TNFRSF11A: variants seen among roughly 807,000 people sequenced by gnomAD.
TNFRSF11A encodes the protein tumor necrosis factor receptor superfamily member 11A.
A neutral mutation model predicts 55.7 loss-of-function variants in TNFRSF11A; 32 were observed. The ratio of observed to expected loss-of-function variants is 0.57; its 90% confidence interval spans 0.43 to 0.77. The LOEUF is 0.77. TNFRSF11A is among the 30% of genes least tolerant of loss of function. The probability of loss-of-function intolerance (pLI) is 0.00; values close to 1 mark genes in which losing one functional copy is unlikely to be tolerated. For synonymous variants in TNFRSF11A, 311 were observed against 331.0 expected (o/e 0.94, Z 0.65); for missense variants, 753 against 809.8 (o/e 0.93, Z 0.85).
intron 9 of TNFRSF11A, 123 bp from the exon 10 acceptor site, chr18:62,384,628 C>T: frequency 1.7e-6 from 2 of 1,187,562 alleles, no homozygotes; most frequent in South Asian, 2.8e-5. Flanking sequence ...GTGTGGTTCC[C>T]TGTGGCCCCG....
chr18:62,366,849 CCCA>C, intron 8 of TNFRSF11A, 89 bp downstream of exon 8: 1 of 1,327,206 alleles, frequency 7.5e-7, no homozygotes, highest in East Asian at 2.3e-5. Flanking sequence ...AGCACCCCCC[CCCA>C]CCCCCACTTT....
In TNFRSF11A at chr18:62,325,599, G is replaced by A. The variant is rs2046061002; in HGVS notation, c.75+172G>A. Among the ~76,000 whole-genome samples, 1 of 152,064 alleles carries A rather than the reference G, an allele frequency of 6.6e-6. No homozygotes were observed. Among genetic ancestry groups the A allele is most frequent in the South Asian group, 2.1e-4 (1 of 4,830 alleles). ...GGCGCTTCCAGAGTTGGACGGCGGAGGGCGGGAAAGGGCAAGCGGAGGGAA... is the reference window on the plus strand; with the variant it reads ...GGCGCTTCCAGAGTTGGACGGCGGAAGGCGGGAAAGGGCAAGCGGAGGGAA... On this transcript the variant is annotated intron_variant, in intron 1 of 9. Transcript: ENST00000586569. The surrounding 1 kb of genome is among the most constrained non-coding windows in gnomAD (Gnocchi z 4.7).
In TNFRSF11A at chr18:62,387,019, G is replaced by T. The variant is rs1200591880; in HGVS notation, c.*1985G>T. 1 of 152,160 alleles carries T rather than the reference G, an allele frequency of 6.6e-6. No individual in the cohort carries two copies. The highest frequency in any genetic ancestry group is 1.5e-5 in the Non-Finnish European group (1 of 68,036). The allele number at this position is 152,160 out of a possible 1,614,324, so 9.4% of individuals were successfully genotyped here. ...GAAAACCCGAGTTTCTGCTGTGACT[G>T]TCATCTCACTGAGCACTTCGCTTTT... On this transcript the variant is annotated 3_prime_UTR_variant, in exon 10 of 10. Transcript: ENST00000586569.
At chr18:62,378,452 T>C (rs745366727) in intron 9 of TNFRSF11A, among the ~76,000 whole-genome samples, 8 of 152,338 alleles carry the variant, frequency 5.3e-5, no homozygotes, top group Non-Finnish European at 8.8e-5. Context: ...TTTCAGTCTT[T>C]AAGACGCATT....
Position 62,359,958 on chromosome 18 carries a change from T to C in TNFRSF11A, c.525T>C (p.Cys175=), listed in dbSNP as rs772827300. 5.5e-5 allele frequency: 88 copies of C among 1,610,936 alleles called. No homozygotes were observed. In the South Asian group the frequency reaches 6.3e-4, roughly 11 times the overall value. Residue 175 remains cysteine, a synonymous_variant, in exon 6 of 10, where the codon TGT becomes TGC. Coordinates refer to ENST00000586569, the MANE Select transcript of TNFRSF11A (RefSeq NM_003839.4). ...STDKCRPWTN[C]TFLGKRVEHH... Reference sequence around the variant, plus strand: ...TGAACCACCTTTTCCCCCACAGCTGTACCTTCCTTGGAAAGAGAGTAGAAC... The same window carrying C: ...TGAACCACCTTTTCCCCCACAGCTGCACCTTCCTTGGAAAGAGAGTAGAAC...
intron 1 of TNFRSF11A, among the ~76,000 whole-genome samples, chr18:62,329,032 G>A (rs1452689850): frequency 6.6e-6 from 1 of 152,186 alleles, no homozygotes; most frequent in Non-Finnish European, 1.5e-5. Context: ...TCTGCAAAGA[G>A]TGTTGTTTTA....
Position 62,385,030 on chromosome 18 carries a change from C to T in TNFRSF11A, c.1847C>T (p.Ala616Val), listed in dbSNP as rs961173072. The T allele has an allele frequency of 2.2e-5, 32 of 1,476,806 alleles. No homozygotes were observed. The East Asian group carries it at 8.3e-4, about 38-fold the overall frequency. 91.5% of individuals were successfully genotyped at this position (1,476,806 alleles called of 1,614,324 possible). Residue 616 changes from alanine to valine, a missense_variant, in exon 10 of 10, where the codon GCT (alanine) becomes GTT (valine). Physicochemically the swap from Ala to Val is moderately conservative, Grantham distance 64. Around this residue, in one of 3 missense-constraint regions of TNFRSF11A, gnomAD observed 567 missense variants for 596.7 expected, o/e 0.95. Transcript: ENST00000586569. ...RPVQEQGGAK[A>V] ...GTGCAGGAGCAAGGCGGGGCCAAGG[C>T]TTGAGCGCCCCCCATGGCTGGGAGC...
rs762643363 is a variant in TNFRSF11A, at chr18:62,369,500, G to T, written c.1567+16G>T. ...CCTGCATCTGGTAAGTGACTTCCCA[G>T]TCTCTCACTTCTGAGCAGAAGGGCC... is the stretch of plus-strand genomic sequence containing the variant. On this transcript the variant is annotated intron_variant, in intron 9 of 9. Coordinates refer to ENST00000586569, the MANE Select transcript of TNFRSF11A (RefSeq NM_003839.4). 6.2e-7 allele frequency: 1 copy of T among 1,602,408 alleles called. No individual in the cohort carries two copies. Among genetic ancestry groups the T allele is most frequent in the Middle Eastern group, 2.0e-4 (1 of 4,948 alleles).
At chr18:62,359,661 G>A (rs897576212) in intron 5 of TNFRSF11A, among the ~76,000 whole-genome samples, 2 of 152,206 alleles carry the variant, frequency 1.3e-5, no homozygotes, top group African/African-American at 4.8e-5. Context: ...TGACAGGCCT[G>A]AGCCACCCAG....
chr18:62,330,757 G>A (rs2046139751), intron 1 of TNFRSF11A: 2 of 152,738 alleles, frequency 1.3e-5, no homozygotes, highest in African/African-American at 4.8e-5. Flanking sequence ...AGGGGCAGAA[G>A]GTGCAGGGGC....
intron 1 of TNFRSF11A, among the ~76,000 whole-genome samples, chr18:62,328,042 G>A (rs941168573): frequency 2.6e-5 from 4 of 152,248 alleles, no homozygotes; most frequent in Admixed American, 6.5e-5. Flanking sequence ...GAGCAGGTGC[G>A]TGCATACGCA....
In TNFRSF11A at chr18:62,388,963, C is replaced by T. The variant is rs897296953; in HGVS notation, c.*3929C>T. On this transcript the variant is annotated 3_prime_UTR_variant, in exon 10 of 10. Transcript: ENST00000586569. The stretch of plus-strand genomic sequence containing the variant: ...AAGGTGCTGTCTTTGGTGGAAGAAA[C>T]GTAGTTTTGAGTTGTTTGCTCTTTG... 4 of 152,262 alleles carry T rather than the reference C, an allele frequency of 2.6e-5. No homozygotes were observed. Among genetic ancestry groups the T allele is most frequent in the African/African-American group, 4.8e-5 (2 of 41,456 alleles). 9.4% of individuals were successfully genotyped at this position (152,262 alleles called of 1,614,324 possible). A position where few individuals can be genotyped will look rare whatever the true frequency, so the allele number is the denominator to read the frequency against.
chr18:62,384,444 TCTC>T (rs538876425), intron 9 of TNFRSF11A, among the ~76,000 whole-genome samples: 4 of 119,764 alleles, frequency 3.3e-5, no homozygotes. Flanking sequence ...CTTTCTTTCC[TCTC>T]CTCCTCCTCT....
chr18:62,357,788 A>G (rs1909371845), intron 4 of TNFRSF11A: 1 of 236,016 alleles, frequency 4.2e-6, no homozygotes, highest in Non-Finnish European at 8.5e-6. Flanking sequence ...CCTTCAAAGC[A>G]GTAATGTGTC....
At chr18:62,350,538 C>T (rs1388381730) in intron 3 of TNFRSF11A, among the ~76,000 whole-genome samples, 3 of 152,062 alleles carry the variant, frequency 2.0e-5, no homozygotes, top group African/African-American at 4.8e-5. Flanking sequence ...GTGATCTGCC[C>T]GCCTCGGCCT....
chr18:62,331,960 AC>A (rs2046161401), intron 1 of TNFRSF11A, among the ~76,000 whole-genome samples: 1 of 152,214 alleles, frequency 6.6e-6, no homozygotes, highest in Admixed American at 6.5e-5. Context: ...GGAAGACCTG[AC>A]TGTAAAAACC....
At position 62,368,691 on chromosome 18, in the gene TNFRSF11A, A is replaced by G. The variant is rs1910277187; in HGVS notation, c.784-10A>G. 6.2e-7 allele frequency: 1 copy of G among 1,614,072 alleles called. No individual in the cohort carries two copies. Among genetic ancestry groups the G allele is most frequent in the South Asian group, 1.1e-5 (1 of 91,084 alleles). ...ATTAATGCCTCTGCCTTCTGAATGT[A>G]AATCGGCAGGAGTCCTCAGGTGACA... On this transcript the variant is annotated splice_polypyrimidine_tract_variant and intron_variant, in intron 8 of 9. Transcript: ENST00000586569.
intron 1 of TNFRSF11A, 108 bp from the exon 2 acceptor site, chr18:62,348,060 A>G: frequency 1.7e-5 from 1 of 58,650 alleles, no homozygotes; most frequent in Non-Finnish European, 2.9e-5. Flanking sequence ...ACTCCATTCA[A>G]AAAAAAAAAA....
rs1476461976 is a variant in TNFRSF11A, at chr18:62,385,346, G to GT, written c.*312_*313insT. 4.2e-6 allele frequency: 1 copy of GT among 239,738 alleles called. No individual in the cohort carries two copies. The highest frequency in any genetic ancestry group is 8.1e-6 in the Non-Finnish European group (1 of 123,416). 14.9% of individuals were successfully genotyped at this position (239,738 alleles called of 1,614,324 possible). ...TTTTTATGACTATCCTGTTCTGTGGGGGGGGGGGTCTGTTTTCCCCCCATA... is the reference window on the plus strand; with the variant it reads ...TTTTTATGACTATCCTGTTCTGTGGGTGGGGGGGGTCTGTTTTCCCCCCATA... On this transcript the variant is annotated 3_prime_UTR_variant, in exon 10 of 10. Transcript: ENST00000586569.
Sources: gnomAD v4.1 joint callset for allele counts (sites outside exome capture counted in the v4.1 genomes callset) on GRCh38, gnomAD v4.1.1 for gene constraint, gnomAD v4.1.1 regional missense constraint, Gnocchi (gnomAD v3.1) non-coding constraint, MANE v1.5 for transcripts, NCBI Gene and HGNC (gene_info 2026-07-23, HGNC 2026-07-21) for gene names.